Variants in NBAS observed in about 807,000 individuals in gnomAD.
The protein encoded by NBAS is NBAS subunit of NRZ tethering complex, also known as NAG/BC035112 fusion.
Under a neutral mutation model 302.5 loss-of-function variants are expected in NBAS, and 219 were observed. The observed-to-expected ratio is 0.72, with a 90% CI of 0.65 to 0.81. The LOEUF (loss-of-function observed/expected upper bound fraction) is 0.81. NBAS is among the 30% of genes least tolerant of loss of function. NBAS has a pLI of 0.00. For missense variants in NBAS, 2,932 were observed against 2,841.6 expected, an observed-to-expected ratio of 1.03 and a Z score of -0.72; for synonymous variants, 1,118 against 1,021.6, an observed-to-expected ratio of 1.09 and a Z score of -1.80.
chr2:15,019,409 T>C, the NBAS span, among the ~76,000 whole-genome samples: 1 of 152,206 alleles, frequency 6.6e-6, no homozygotes, highest in African/African-American at 2.4e-5. Flanking sequence ...AAGAACTTTT[T>C]AATATCCCTT....
At chr2:14,942,224 C>T in the NBAS span, among the ~76,000 whole-genome samples, 2 of 152,044 alleles carry the variant, frequency 1.3e-5, no homozygotes, top group Admixed American at 6.6e-5. Context: ...TAGAAGGCAC[C>T]CTGATATGGT....
chr2:15,169,616 T>A (rs530328273), intron 51 of NBAS, among the ~76,000 whole-genome samples: 1 of 152,086 alleles, frequency 6.6e-6, no homozygotes, highest in Non-Finnish European at 1.5e-5. Flanking sequence ...CATGGTGGAG[T>A]GGCCTAGAAG....
At chr2:14,968,228 C>A in the NBAS span, among the ~76,000 whole-genome samples, 2,806 of 152,218 alleles carry the variant, frequency 0.018, 103 homozygotes, top group African/African-American at 0.065. Context: ...CATGGGATAA[C>A]CATGACACAG....
At chr2:15,553,839 T>C (rs1291145057) in intron 4 of NBAS, among the ~76,000 whole-genome samples, 3 of 124,430 alleles carry the variant, frequency 2.4e-5, no homozygotes, top group South Asian at 3.1e-4. Context: ...TCTCCCTCTC[T>C]CCCTCTTCCT....
the NBAS span, among the ~76,000 whole-genome samples, chr2:15,042,281 C>T: frequency 4.6e-5 from 7 of 152,140 alleles, no homozygotes; most frequent in Non-Finnish European, 7.3e-5. Context: ...AGTTTGAACC[C>T]CAAAAGTGAC....
At chr2:15,394,812 T>C (rs1675790059) in intron 27 of NBAS, among the ~76,000 whole-genome samples, 1 of 152,106 alleles carries the variant, frequency 6.6e-6, no homozygotes, top group Non-Finnish European at 1.5e-5. Context: ...AGAATCCATT[T>C]TATAAATATA....
chr2:15,551,046 A>G (rs1415674190), intron 6 of NBAS, among the ~76,000 whole-genome samples: 1 of 152,218 alleles, frequency 6.6e-6, no homozygotes, highest in Non-Finnish European at 1.5e-5. Flanking sequence ...TCATGAGATA[A>G]AGGAGCAGGT....
chr2:15,230,347 C>T (rs1342131586), intron 47 of NBAS, among the ~76,000 whole-genome samples: 2 of 110,364 alleles, frequency 1.8e-5, no homozygotes, highest in African/African-American at 7.1e-5. Context: ...AAATACTTGC[C>T]AAAATAAAAG....
the NBAS span, among the ~76,000 whole-genome samples, chr2:15,051,863 C>A: frequency 6.6e-6 from 1 of 152,022 alleles, no homozygotes; most frequent in Non-Finnish European, 1.5e-5. Context: ...TATAAATGTT[C>A]TTTCTCTAGT....
chr2:14,823,797 G>T, the NBAS span, among the ~76,000 whole-genome samples: 1 of 151,952 alleles, frequency 6.6e-6, no homozygotes, highest in African/African-American at 2.4e-5. Flanking sequence ...ACCTTTCCTT[G>T]TGGTTTAAAA....
the NBAS span, among the ~76,000 whole-genome samples, chr2:14,899,467 T>C: frequency 6.6e-6 from 1 of 152,250 alleles, no homozygotes; most frequent in Non-Finnish European, 1.5e-5. Context: ...TGTGGCTGGC[T>C]CATCTGCAGC....
At chr2:14,938,627 C>A in the NBAS span, among the ~76,000 whole-genome samples, 1 of 152,198 alleles carries the variant, frequency 6.6e-6, no homozygotes, top group African/African-American at 2.4e-5. Flanking sequence ...CAATCACACA[C>A]CTTTAATGAC....
the NBAS span, among the ~76,000 whole-genome samples, chr2:14,800,631 T>C: frequency 6.6e-6 from 1 of 152,236 alleles, no homozygotes; most frequent in African/African-American, 2.4e-5. Flanking sequence ...TGTCTTCAAT[T>C]TGTGACACTT....
the NBAS span, among the ~76,000 whole-genome samples, chr2:14,952,838 G>A: frequency 6.6e-6 from 1 of 152,330 alleles, no homozygotes; most frequent in African/African-American, 2.4e-5. Context: ...GTGCAGCAAT[G>A]AATCCCTGCT....
chr2:15,483,047 G>A (rs752608676), intron 12 of NBAS, among the ~76,000 whole-genome samples: 1 of 152,042 alleles, frequency 6.6e-6, no homozygotes, highest in Non-Finnish European at 1.5e-5. Flanking sequence ...AACCTATTAC[G>A]GCTAAAGTAA....
rs190061357 is a variant in NBAS, at chr2:15,504,041, G to C, written c.954+104C>G. On this transcript the variant is annotated intron_variant, in intron 11 of 51. Transcript: ENST00000281513. ...CACATAGTGTATATGAATACACTCA[G>C]ATGAAGATACAAAAAATTCGAGGTT... 1.1e-4 allele frequency: 94 copies of C among 859,922 alleles called. 1 individual carries two copies. The African/African-American group carries it at 1.2e-3, about 11-fold the overall frequency. 53.3% of individuals were successfully genotyped at this position (859,922 alleles called of 1,614,324 possible).
chr2:15,560,502 G>T (rs1009696966), intron 1 of NBAS, among the ~76,000 whole-genome samples: 1 of 152,014 alleles, frequency 6.6e-6, no homozygotes, highest in African/African-American at 2.4e-5. Flanking sequence ...ACGTTTACGG[G>T]ACTGTCTCCC....
chr2:15,353,571 G>A lies in NBAS; in HGVS notation c.4071C>T (p.Ser1357=). ...PSSIELLLAA[S]SSLQTEILYQ... ...GACTTACTTCTGTCTGCAGAGAGCTGCTAGCTGCCAAAAGAAGTTCAATGC... is the reference window on the plus strand; with the variant it reads ...GACTTACTTCTGTCTGCAGAGAGCTACTAGCTGCCAAAAGAAGTTCAATGC... Residue 1357 remains serine, a synonymous_variant, in exon 34 of 52, where the codon AGC becomes AGT. Coordinates refer to ENST00000281513, the MANE Select transcript of NBAS (RefSeq NM_015909.4). 1 of 1,614,008 alleles carries A rather than the reference G, an allele frequency of 6.2e-7. No individual in the cohort carries two copies. The highest frequency in any genetic ancestry group is 1.3e-5 in the African/African-American group (1 of 75,028).
intron 38 of NBAS, among the ~76,000 whole-genome samples, chr2:15,320,595 A>G (rs1671753865): frequency 6.6e-6 from 1 of 152,194 alleles, no homozygotes; most frequent in South Asian, 2.1e-4. Flanking sequence ...GCATTCCTAC[A>G]CACCAATAAC....
Sources: allele counts gnomAD v4.1 joint callset (sites outside exome capture counted in the v4.1 genomes callset), GRCh38; gene constraint gnomAD v4.1.1; transcripts MANE v1.5; gene names NCBI Gene and HGNC (gene_info 2026-07-23, HGNC 2026-07-21).